Variants in CNIH3 observed in about 807,000 individuals in gnomAD.
CNIH3 encodes cornichon family AMPA receptor auxiliary protein 3, also known as protein cornichon homolog 3.
CNIH3 carries 14 observed loss-of-function variants against 24.1 expected under a neutral mutation model. The observed-to-expected ratio is 0.58, with a 90% CI of 0.38 to 0.91. CNIH3 has a LOEUF of 0.91. Ranked by LOEUF, CNIH3 falls within the 40% of genes least tolerant of loss-of-function variation. The pLI, the probability that CNIH3 is intolerant of heterozygous loss-of-function variation, is 0.00. For missense variants in CNIH3, 178 were observed against 196.8 expected (o/e 0.90, Z 0.57); for synonymous variants, 68 against 73.8 (o/e 0.92, Z 0.40).
intron 5 of CNIH3, among the ~76,000 whole-genome samples, chr1:224,736,512 A>C (rs1428997326): frequency 6.6e-6 from 1 of 152,202 alleles, no homozygotes; most frequent in Non-Finnish European, 1.5e-5. Context: ...TGTGCTTTTT[A>C]AAAATGCAGA....
At chr1:224,520,503 T>C (rs772542092) in intron 1 of CNIH3, among the ~76,000 whole-genome samples, 11 of 152,242 alleles carry the variant, frequency 7.2e-5, no homozygotes, top group Non-Finnish European at 1.2e-4. Flanking sequence ...CTAGTTCACA[T>C]AGAGATATGT....
chr1:224,439,877 C>T (rs1232403787), intron 1 of CNIH3, among the ~76,000 whole-genome samples: 1 of 152,242 alleles, frequency 6.6e-6, no homozygotes. Context: ...CAAGCTCCGC[C>T]TCCTGGGTTC....
chr1:224,616,602 C>G lies in CNIH3; in HGVS notation c.-573C>G, dbSNP rs1030262422. ...ACGGGACCTACCTCCTCCCGGCTAC[C>G]TAAAGACTCCTTCTCTCGGGAAAGA... On this transcript the variant is annotated 5_prime_UTR_variant, in exon 1 of 6. Transcript: ENST00000272133. 3.0e-6 allele frequency: 3 copies of G among 986,990 alleles called. No individual in the cohort carries two copies. The highest frequency in any genetic ancestry group is 2.3e-4 in the East Asian group (2 of 8,828). The allele number at this position is 986,990 out of a possible 1,614,324, so 61.1% of individuals were successfully genotyped here.
At chr1:224,708,220 C>T (rs1240275961) in intron 3 of CNIH3, among the ~76,000 whole-genome samples, 3 of 152,096 alleles carry the variant, frequency 2.0e-5, no homozygotes, top group East Asian at 3.9e-4. Context: ...CAATCCTCCT[C>T]TCCCATCTCA....
At chr1:224,497,340 C>T (rs1677479151) in intron 1 of CNIH3, among the ~76,000 whole-genome samples, 1 of 152,116 alleles carries the variant, frequency 6.6e-6, no homozygotes, top group Non-Finnish European at 1.5e-5. Context: ...AACCACTGAA[C>T]TGTATACTTT....
At chr1:224,486,471 T>A (rs1179407901) in intron 1 of CNIH3, among the ~76,000 whole-genome samples, 4 of 152,228 alleles carry the variant, frequency 2.6e-5, no homozygotes, top group Non-Finnish European at 5.9e-5. Context: ...ACTCTCTAGA[T>A]GATTTGGGCC....
intron 1 of CNIH3, among the ~76,000 whole-genome samples, chr1:224,480,403 A>G (rs1405634907): frequency 1.3e-5 from 2 of 152,206 alleles, no homozygotes; most frequent in Non-Finnish European, 2.9e-5. Flanking sequence ...GGGGATTAAC[A>G]TTAGGCTTCT....
At chr1:224,671,051 G>A (rs145898429) in intron 1 of CNIH3, among the ~76,000 whole-genome samples, 2 of 152,220 alleles carry the variant, frequency 1.3e-5, no homozygotes, top group African/African-American at 4.8e-5. Flanking sequence ...GTCAGCAGAC[G>A]GCCTTTGGAC....
chr1:224,645,116 A>G (rs1414092815), intron 1 of CNIH3, among the ~76,000 whole-genome samples: 3 of 152,194 alleles, frequency 2.0e-5, no homozygotes, highest in Non-Finnish European at 2.9e-5. Context: ...AGTTTTACAG[A>G]TGCAGAAATA....
At chr1:224,639,163 G>A (rs764314074) in intron 1 of CNIH3, among the ~76,000 whole-genome samples, 1 of 152,226 alleles carries the variant, frequency 6.6e-6, no homozygotes, top group Non-Finnish European at 1.5e-5. Flanking sequence ...GGGAGGCTCA[G>A]TACATACTAT....
At chr1:224,561,013 C>A (rs534285351) in intron 3 of CNIH3, among the ~76,000 whole-genome samples, 1 of 152,260 alleles carries the variant, frequency 6.6e-6, no homozygotes, top group East Asian at 1.9e-4. Context: ...GTTTACTGGC[C>A]ATTTGCATGG....
chr1:224,452,306 T>C (rs1048242715), intron 1 of CNIH3, among the ~76,000 whole-genome samples: 4 of 151,750 alleles, frequency 2.6e-5, no homozygotes, highest in Admixed American at 1.3e-4. Context: ...CGTACCACCA[T>C]GCCCGGCTAA....
chr1:224,639,086 C>T (rs1025505347), intron 1 of CNIH3, among the ~76,000 whole-genome samples: 1 of 152,208 alleles, frequency 6.6e-6, no homozygotes, highest in Admixed American at 6.5e-5. Flanking sequence ...TGCAAATTCT[C>T]TTTCCCCAAT....
At chr1:224,435,674 A>G (rs1030975226) in intron 1 of CNIH3, 4 of 152,194 alleles carry the variant, frequency 2.6e-5, no homozygotes, top group Non-Finnish European at 5.9e-5. Context: ...CAGGCTTGAA[A>G]TTTTTACGTG....
chr1:224,509,006 C>A (rs1678028524), intron 1 of CNIH3, among the ~76,000 whole-genome samples: 1 of 152,128 alleles, frequency 6.6e-6, no homozygotes, highest in South Asian at 2.1e-4. Context: ...GTATCGTCTA[C>A]TCCTGGGCAA....
At chr1:224,658,033 TA>T (rs1444706315) in intron 1 of CNIH3, among the ~76,000 whole-genome samples, 2 of 152,214 alleles carry the variant, frequency 1.3e-5, no homozygotes, top group African/African-American at 4.8e-5. Flanking sequence ...CAAAGAAAGT[TA>T]AACATTTACT....
intron 3 of CNIH3, among the ~76,000 whole-genome samples, chr1:224,699,986 G>A (rs886910495): frequency 6.6e-6 from 1 of 152,122 alleles, no homozygotes; most frequent in African/African-American, 2.4e-5. Context: ...CGGTTATCTT[G>A]TCTGGCCCAC....
intron 1 of CNIH3, among the ~76,000 whole-genome samples, chr1:224,474,820 G>C (rs988006690): frequency 6.6e-6 from 1 of 152,030 alleles, no homozygotes; most frequent in Admixed American, 6.5e-5. Context: ...AAGGTCAGGA[G>C]ATCGAGACCA....
At chr1:224,573,808 G>A (rs181470009) in intron 4 of CNIH3, among the ~76,000 whole-genome samples, 3 of 152,294 alleles carry the variant, frequency 2.0e-5, no homozygotes, top group Admixed American at 2.0e-4. Context: ...GTAAAGGAGA[G>A]GTAGCTACAA....
Sources: gnomAD v4.1 joint callset for allele counts (sites outside exome capture counted in the v4.1 genomes callset) on GRCh38, gnomAD v4.1.1 for gene constraint, MANE v1.5 for transcripts, NCBI Gene and HGNC (gene_info 2026-07-23, HGNC 2026-07-21) for gene names.